SLC19A1: variants seen among roughly 807,000 people sequenced by gnomAD.
SLC19A1 encodes solute carrier family 19 member 1, also known as reduced folate transporter.
In SLC19A1, 37 loss-of-function variants were observed where a neutral mutation model predicts 35.3. The observed-to-expected ratio is 1.05, with a 90% CI of 0.81 to 1.38. The LOEUF (loss-of-function observed/expected upper bound fraction) is 1.38. Ranked by LOEUF, SLC19A1 falls within the 40% of genes most tolerant of loss-of-function variation. SLC19A1 has a pLI of 0.00. For synonymous variants in SLC19A1, 460 were observed against 398.5 expected (o/e 1.15, Z -1.84); for missense variants, 831 against 826.9 (o/e 1.00, Z -0.06).
downstream of SLC19A1, among the ~76,000 whole-genome samples, chr21:45,510,789 C>T (rs970459638): frequency 9.9e-5 from 15 of 152,262 alleles, no homozygotes; most frequent in African/African-American, 2.9e-4. Flanking sequence ...TGGGAGCAGG[C>T]GGCTGTGGCC....
chr21:45,509,508 C>T (rs1363628713), downstream of SLC19A1: 18 of 1,530,040 alleles, frequency 1.2e-5, no homozygotes, highest in East Asian at 2.4e-5. Context: ...CCCAGCCCTA[C>T]CCCGGAGCCC....
In SLC19A1 at chr21:45,517,565, CTA is replaced by C. The variant is rs1380440118; in HGVS notation, c.1294-1427_1294-1426del. On this transcript the variant is annotated intron_variant, in intron 5 of 5. Transcript: ENST00000311124. The surrounding 1 kb of genome is among the most constrained non-coding windows in gnomAD (Gnocchi z 4.4). Reference sequence around the variant, plus strand: ...AGTCAGTGGAGACCATGTGGGGAGCCTAGTCACCCCCGAAGCCTCACGGAGTC... The same window carrying C: ...AGTCAGTGGAGACCATGTGGGGAGCCGTCACCCCCGAAGCCTCACGGAGTC... Among the ~76,000 whole-genome samples the C allele has an allele frequency of 6.6e-6, 1 of 151,926 alleles. No individual in the cohort carries two copies.
rs552086085 is a variant in SLC19A1, at chr21:45,513,016, G to A, written c.*2642C>T. The A allele has an allele frequency of 9.3e-5, 15 of 160,572 alleles. No homozygotes were observed. Among genetic ancestry groups the A allele is most frequent in the Admixed American group, 2.9e-4 (5 of 17,196 alleles). The allele number at this position is 160,572 out of a possible 1,614,324, so 9.9% of individuals were successfully genotyped here. On this transcript the variant is annotated 3_prime_UTR_variant, in exon 6 of 6. Coordinates refer to ENST00000311124, the MANE Select transcript of SLC19A1 (RefSeq NM_194255.4). ...GAAGCAGGTTCCCAAGCTCAGAGGC[G>A]CACTGTGACCCCCAGCTCCGGCCTG...
rs2037863047 is a variant in SLC19A1, at chr21:45,515,510, GA to G, written c.*147del. On this transcript the variant is annotated 3_prime_UTR_variant, in exon 6 of 6. Transcript: ENST00000311124. Reference sequence around the variant, plus strand: ...CGCCAGCACGCTGTGGCCACCGCCAGAGTGCGGCACAGGGCAGGGGGAATCC... The same window carrying G: ...CGCCAGCACGCTGTGGCCACCGCCAGGTGCGGCACAGGGCAGGGGGAATCC... The G allele has an allele frequency of 3.3e-6, 5 of 1,512,206 alleles. No individual in the cohort carries two copies. The South Asian group carries it at 6.6e-5, about 20-fold the overall frequency. 93.7% of individuals were successfully genotyped at this position (1,512,206 alleles called of 1,614,324 possible).
At chr21:45,520,927 G>A (rs2077418308) in intron 5 of SLC19A1, among the ~76,000 whole-genome samples, 1 of 151,996 alleles carries the variant, frequency 6.6e-6, no homozygotes, top group Non-Finnish European at 1.5e-5. Flanking sequence ...GGCTGAGACA[G>A]GAGAATTGCT....
chr21:45,511,643 C>T (rs2146144860), downstream of SLC19A1, among the ~76,000 whole-genome samples: 1 of 152,242 alleles, frequency 6.6e-6, no homozygotes, highest in Middle Eastern at 3.4e-3. Context: ...TAGAAGAACG[C>T]TTCGTCCCAA....
downstream of SLC19A1, chr21:45,509,329 G>A (rs374052932): frequency 3.8e-5 from 58 of 1,541,154 alleles, no homozygotes; most frequent in African/African-American, 1.9e-4. Context: ...TCCCCCCGCC[G>A]ACAGGCCCCA....
intron 2 of SLC19A1, 26 bp downstream of exon 2, chr21:45,537,745 C>G (rs754771084): frequency 1.6e-6 from 2 of 1,267,140 alleles, no homozygotes; most frequent in Non-Finnish European, 2.0e-6. Flanking sequence ...CACAGGCGGC[C>G]GCCCGGCACC....
chr21:45,544,537 T>C, upstream of SLC19A1: 1 of 153,860 alleles, frequency 6.5e-6, no homozygotes, highest in Non-Finnish European at 1.4e-5. Context: ...CTCACGAGCC[T>C]CCAGCGGTCC....
intron 3 of SLC19A1, chr21:45,505,309 A>G: frequency 6.2e-7 from 1 of 1,602,756 alleles, no homozygotes; most frequent in Non-Finnish European, 8.5e-7. Context: ...CCCCGGGCAG[A>G]GGCCGCCTCG....
At chr21:45,545,082 GAC>G (rs1399259758), upstream of SLC19A1, among the ~76,000 whole-genome samples, 1 of 152,198 alleles carries the variant, frequency 6.6e-6, no homozygotes, top group African/African-American at 2.4e-5. Context: ...CTAATACATG[GAC>G]ACACATGCAC....
At position 45,525,824 on chromosome 21, in the gene SLC19A1, C is replaced by A. The variant is rs201019287; in HGVS notation, c.1286G>T (p.Arg429Leu). The change falls in exon 5 of 6, where the codon CGC (arginine) becomes CTC (leucine). Residue 429 changes from arginine to leucine, a missense_variant. Physicochemically the swap from Arg to Leu is moderately radical, Grantham distance 102. Coordinates refer to ENST00000311124, the MANE Select transcript of SLC19A1 (RefSeq NM_194255.4). ...SDVRGLGLPV[R>L]KQFQLYSVYF... is the part of the protein sequence containing the mutation. ...GGCCTGAAATGGGCTCACCTGCTTG[C>A]GGACCGGGAGGCCCAGGCCCCGCAC... 2 of 1,613,042 alleles carry A rather than the reference C, an allele frequency of 1.2e-6. No individual in the cohort carries two copies. Among genetic ancestry groups the A allele is most frequent in the South Asian group, 1.1e-5 (1 of 91,084 alleles).
At chr21:45,502,936 T>C (rs761994190) in intron 3 of SLC19A1, 4 of 152,196 alleles carry the variant, frequency 2.6e-5, no homozygotes, top group Non-Finnish European at 4.4e-5. Context: ...AGTCACCAGA[T>C]GGAAGGGCAG....
At chr21:45,561,497 A>G (rs1332848764) in intron 1 of SLC19A1, among the ~76,000 whole-genome samples, 8 of 152,208 alleles carry the variant, frequency 5.3e-5, no homozygotes, top group Non-Finnish European at 1.0e-4. Flanking sequence ...GCGGTGGCTC[A>G]TGCCTGTAAT....
At chr21:45,504,784 C>T (rs1455060647) in intron 3 of SLC19A1, among the ~76,000 whole-genome samples, 1 of 152,130 alleles carries the variant, frequency 6.6e-6, no homozygotes, top group Non-Finnish European at 1.5e-5. Flanking sequence ...ATGGCCTGCC[C>T]TCCTGCTGGG....
chr21:45,511,311 C>T (rs1420511920), downstream of SLC19A1: 20 of 745,060 alleles, frequency 2.7e-5, no homozygotes, highest in East Asian at 1.1e-4. Flanking sequence ...AGTTTCCCCC[C>T]GAGTTTTTGG....
intron 4 of SLC19A1, among the ~76,000 whole-genome samples, chr21:45,526,788 T>C (rs2077636385): frequency 6.6e-6 from 1 of 152,228 alleles, no homozygotes; most frequent in South Asian, 2.1e-4. Flanking sequence ...GCCAGGCTGG[T>C]CTCGAGCTCC....
intron 1 of SLC19A1, among the ~76,000 whole-genome samples, chr21:45,550,722 G>A (rs1602942373): frequency 6.6e-6 from 1 of 152,262 alleles, no homozygotes; most frequent in East Asian, 1.9e-4. Flanking sequence ...ATGTGTTCCT[G>A]GATGACTGGC....
intron 1 of SLC19A1, among the ~76,000 whole-genome samples, chr21:45,558,440 G>A (rs1252462832): frequency 6.6e-6 from 1 of 152,274 alleles, no homozygotes; most frequent in Non-Finnish European, 1.5e-5. Flanking sequence ...AACCCGGGAA[G>A]GCAGTGGTGC....
Sources: allele counts gnomAD v4.1 joint callset (sites outside exome capture counted in the v4.1 genomes callset), GRCh38; gene constraint gnomAD v4.1.1; non-coding constraint Gnocchi (gnomAD v3.1); transcripts MANE v1.5; gene names NCBI Gene and HGNC (gene_info 2026-07-23, HGNC 2026-07-21).